TUSC3: variants seen among roughly 807,000 people sequenced by gnomAD.
TUSC3 encodes tumor suppressor candidate 3, also known as dolichyl-diphosphooligosaccharide--protein glycosyltransferase subunit TUSC3.
In TUSC3, 45 loss-of-function variants were observed where a neutral mutation model predicts 44.8. The ratio of observed to expected loss-of-function variants is 1.00; its 90% confidence interval spans 0.79 to 1.29. The LOEUF (loss-of-function observed/expected upper bound fraction) is 1.29, where lower values mean the gene tolerates loss of function less well. Among genes scored for constraint, TUSC3 ranks in the 50% most tolerant of loss-of-function variants. The probability of loss-of-function intolerance (pLI) is 0.00; values close to 1 mark genes in which losing one functional copy is unlikely to be tolerated. For synonymous variants in TUSC3, 212 were observed against 152.9 expected (o/e 1.39, Z -2.85); for missense variants, 519 against 437.9 (o/e 1.19, Z -1.65).
the TUSC3 span, among the ~76,000 whole-genome samples, chr8:15,848,968 T>G: frequency 6.6e-6 from 1 of 152,204 alleles, no homozygotes; most frequent in African/African-American, 2.4e-5. Context: ...TGGAAAACTT[T>G]TTACAGGCAG....
intron 2 of TUSC3, among the ~76,000 whole-genome samples, chr8:15,508,448 C>T (rs1160359594): frequency 2.2e-5 from 3 of 136,602 alleles, no homozygotes; most frequent in Non-Finnish European, 4.6e-5. Flanking sequence ...GTTTAGGAAT[C>T]GAAGCTTCCT....
chr8:15,778,444 C>G, the TUSC3 span, among the ~76,000 whole-genome samples: 1 of 152,104 alleles, frequency 6.6e-6, no homozygotes, highest in Admixed American at 6.6e-5. Context: ...TAAATTCAAG[C>G]CTGACTCACA....
intron 1 of TUSC3, among the ~76,000 whole-genome samples, chr8:15,441,633 C>T (rs1800021182): frequency 1.3e-5 from 2 of 152,124 alleles, no homozygotes; most frequent in Admixed American, 1.3e-4. Context: ...ATATTAGGGA[C>T]ATTTCTCATT....
At chr8:15,696,410 C>G (rs1365554990) in intron 6 of TUSC3, among the ~76,000 whole-genome samples, 3 of 152,126 alleles carry the variant, frequency 2.0e-5, no homozygotes, top group Non-Finnish European at 4.4e-5. Flanking sequence ...ATGGAAACAC[C>G]TGGATGTCAA....
At chr8:15,585,538 C>A (rs943754309) in intron 1 of TUSC3, among the ~76,000 whole-genome samples, 1 of 152,146 alleles carries the variant, frequency 6.6e-6, no homozygotes, top group Non-Finnish European at 1.5e-5. Context: ...TTATAGGAAA[C>A]TGATGAGGGC....
chr8:15,591,559 G>C (rs1475576410), intron 1 of TUSC3, among the ~76,000 whole-genome samples: 1 of 152,204 alleles, frequency 6.6e-6, no homozygotes, highest in Non-Finnish European at 1.5e-5. Context: ...TAAGCATACA[G>C]TTAAATGTAT....
At chr8:15,562,057 C>G (rs914673755) in intron 1 of TUSC3, among the ~76,000 whole-genome samples, 15 of 152,144 alleles carry the variant, frequency 9.9e-5, no homozygotes, top group African/African-American at 1.2e-4. Context: ...AGTAGGCCTT[C>G]ATAGCTAAGA....
chr8:15,798,238 G>T, the TUSC3 span, among the ~76,000 whole-genome samples: 1 of 152,130 alleles, frequency 6.6e-6, no homozygotes, highest in African/African-American at 2.4e-5. Context: ...GACCCTTAAG[G>T]TCATGTTAAC....
chr8:15,489,913 GATTA>G (rs1170713245), intron 2 of TUSC3, among the ~76,000 whole-genome samples: 3 of 152,084 alleles, frequency 2.0e-5, no homozygotes, highest in Non-Finnish European at 4.4e-5. Flanking sequence ...TAAGATAAAA[GATTA>G]ATTCTGATAT....
At chr8:15,688,313 A>G (rs1401908724) in intron 6 of TUSC3, among the ~76,000 whole-genome samples, 3 of 152,216 alleles carry the variant, frequency 2.0e-5, no homozygotes, top group Non-Finnish European at 4.4e-5. Context: ...ATTGTTTTCA[A>G]TGCATGTTTA....
intron 5 of TUSC3, among the ~76,000 whole-genome samples, chr8:15,664,116 G>A (rs888193997): frequency 2.6e-5 from 4 of 151,618 alleles, no homozygotes; most frequent in Admixed American, 6.6e-5. Context: ...CTTCATAACT[G>A]TGCAAAGGAA....
At chr8:15,806,211 T>G in the TUSC3 span, 5 of 515,774 alleles carry the variant, frequency 9.7e-6, no homozygotes, top group Non-Finnish European at 1.9e-5. Flanking sequence ...CCGTCTTTTA[T>G]AAATGGCTTC....
At chr8:15,803,036 G>T in the TUSC3 span, among the ~76,000 whole-genome samples, 1 of 152,088 alleles carries the variant, frequency 6.6e-6, no homozygotes, top group Non-Finnish European at 1.5e-5. Context: ...AGAAGACAGA[G>T]AATTAAATAT....
At chr8:15,479,827 A>G (rs900201391) in intron 1 of TUSC3, among the ~76,000 whole-genome samples, 1 of 152,190 alleles carries the variant, frequency 6.6e-6, no homozygotes, top group Non-Finnish European at 1.5e-5. Context: ...AAAGAAATAA[A>G]GCGTATTCAA....
At chr8:15,633,037 G>A (rs1805888232) in intron 2 of TUSC3, among the ~76,000 whole-genome samples, 1 of 152,150 alleles carries the variant, frequency 6.6e-6, no homozygotes. Context: ...TACTGCTGAG[G>A]TAGTATTATT....
the TUSC3 span, among the ~76,000 whole-genome samples, chr8:15,813,928 C>T: frequency 1.2e-4 from 18 of 152,076 alleles, no homozygotes; most frequent in East Asian, 5.8e-4. Flanking sequence ...ACTAAGTTTG[C>T]GACATTGAGC....
At chr8:15,698,831 T>G (rs1025030270) in intron 6 of TUSC3, among the ~76,000 whole-genome samples, 1 of 150,760 alleles carries the variant, frequency 6.6e-6, no homozygotes, top group African/African-American at 2.5e-5. Flanking sequence ...TCTGAAAGCA[T>G]GGACCATTCT....
intron 2 of TUSC3, among the ~76,000 whole-genome samples, chr8:15,642,576 C>T (rs942948851): frequency 6.6e-6 from 1 of 152,012 alleles, no homozygotes; most frequent in African/African-American, 2.4e-5. Flanking sequence ...TTAAAGTCTG[C>T]GTATATTCTG....
At chr8:15,598,938 A>G (rs1379741482) in intron 1 of TUSC3, among the ~76,000 whole-genome samples, 4 of 151,766 alleles carry the variant, frequency 2.6e-5, no homozygotes, top group Non-Finnish European at 4.4e-5. Flanking sequence ...TAAGTGTTCA[A>G]TTCCTTTTGA....
Sources: allele counts gnomAD v4.1 joint callset (sites outside exome capture counted in the v4.1 genomes callset), GRCh38; gene constraint gnomAD v4.1.1; transcripts MANE v1.5; gene names NCBI Gene and HGNC (gene_info 2026-07-23, HGNC 2026-07-21).